ZDHHC14: variants seen among roughly 807,000 people sequenced by gnomAD.
ZDHHC14 encodes the protein palmitoyltransferase ZDHHC14.
In ZDHHC14, 16 loss-of-function variants were observed where a neutral mutation model predicts 47.7. That is an observed-to-expected ratio of 0.34 (90% CI 0.23 to 0.51). ZDHHC14 has a LOEUF of 0.51. ZDHHC14 is among the 20% of genes least tolerant of loss of function. ZDHHC14 has a pLI of 0.97. For missense variants in ZDHHC14, 515 were observed against 662.5 expected, an observed-to-expected ratio of 0.78 and a Z score of 2.44; for synonymous variants, 293 against 278.9, an observed-to-expected ratio of 1.05 and a Z score of -0.50.
chr6:157,424,220 G>A (rs538721878), intron 1 of ZDHHC14, among the ~76,000 whole-genome samples: 1 of 152,284 alleles, frequency 6.6e-6, no homozygotes, highest in South Asian at 2.1e-4. Flanking sequence ...AAAGAATTCT[G>A]AACAGAGGGG....
chr6:157,607,336 C>T (rs1283944239), intron 3 of ZDHHC14, among the ~76,000 whole-genome samples: 4 of 151,522 alleles, frequency 2.6e-5, no homozygotes, highest in Non-Finnish European at 5.9e-5. Flanking sequence ...AGATTTTTTT[C>T]AAATAGTATA....
intron 1 of ZDHHC14, among the ~76,000 whole-genome samples, chr6:157,393,766 C>T (rs1006263246): frequency 6.6e-6 from 1 of 152,122 alleles, no homozygotes; most frequent in Non-Finnish European, 1.5e-5. Flanking sequence ...TGTTCCTCTC[C>T]CACTTACCTT....
At chr6:157,461,191 T>C (rs143210673) in intron 1 of ZDHHC14, among the ~76,000 whole-genome samples, 4 of 152,272 alleles carry the variant, frequency 2.6e-5, no homozygotes, top group Admixed American at 6.5e-5. Context: ...CAGTATCTCA[T>C]TGAGTTTGAC....
rs1778245996 is a variant in ZDHHC14, at chr6:157,427,507, C to G, written c.245+45241C>G. 6.6e-6 allele frequency among the ~76,000 whole-genome samples: 1 copy of G among 152,046 alleles called. No homozygotes were observed. Among genetic ancestry groups the G allele is most frequent in the African/African-American group, 2.4e-5 (1 of 41,364 alleles). ...GTGAGGATGGTTGGCTGGGTTCACT[C>G]AGGGTTGGAGTTTAACAGAGCAAAT... On this transcript the variant is annotated intron_variant, in intron 1 of 8. Transcript: ENST00000359775. This position sits in a 1 kb window ranked among gnomAD's most constrained non-coding sequence, Gnocchi z 4.4.
chr6:157,612,410 G>A (rs990389895), intron 3 of ZDHHC14, among the ~76,000 whole-genome samples: 8 of 152,138 alleles, frequency 5.3e-5, no homozygotes, highest in African/African-American at 1.7e-4. Flanking sequence ...CACCTCTCTC[G>A]GCTTGCACCG....
At chr6:157,514,221 T>G (rs187300931) in intron 1 of ZDHHC14, among the ~76,000 whole-genome samples, 73 of 152,292 alleles carry the variant, frequency 4.8e-4, no homozygotes, top group Non-Finnish European at 7.2e-4. Context: ...CTCAATTTTT[T>G]GGGGGGACAA....
intron 3 of ZDHHC14, among the ~76,000 whole-genome samples, chr6:157,598,700 A>G (rs1178799664): frequency 1.3e-5 from 2 of 152,266 alleles, no homozygotes; most frequent in Admixed American, 1.3e-4. Context: ...GTGAGAAATA[A>G]TAGCATACAT....
chr6:157,623,412 C>T (rs1408704060), intron 3 of ZDHHC14, among the ~76,000 whole-genome samples: 3 of 152,154 alleles, frequency 2.0e-5, no homozygotes, highest in Non-Finnish European at 4.4e-5. Context: ...TCCCCTTCCA[C>T]CATGATTATA....
chr6:157,605,459 C>G (rs1211262180), intron 3 of ZDHHC14, among the ~76,000 whole-genome samples: 1 of 152,008 alleles, frequency 6.6e-6, no homozygotes, highest in East Asian at 1.9e-4. Context: ...TGTATGGATT[C>G]TTACATTTGG....
At chr6:157,572,934 C>G (rs923103729) in intron 2 of ZDHHC14, among the ~76,000 whole-genome samples, 1 of 152,034 alleles carries the variant, frequency 6.6e-6, no homozygotes, top group Admixed American at 6.5e-5. Context: ...CCTAAGTAGT[C>G]AGGTTCTCTT....
chr6:157,507,453 T>C (rs564781942), intron 1 of ZDHHC14, among the ~76,000 whole-genome samples: 2 of 152,220 alleles, frequency 1.3e-5, no homozygotes, highest in South Asian at 4.2e-4. Flanking sequence ...GGCTAATTTT[T>C]GTATTTTTAG....
intron 2 of ZDHHC14, among the ~76,000 whole-genome samples, chr6:157,576,975 C>G (rs1387830904): frequency 6.6e-6 from 1 of 152,150 alleles, no homozygotes; most frequent in Non-Finnish European, 1.5e-5. Context: ...CACCCAGGTA[C>G]TACCCCACAG....
chr6:157,649,273 AGGG>A (rs1337220745), intron 7 of ZDHHC14, among the ~76,000 whole-genome samples: 1 of 152,224 alleles, frequency 6.6e-6, no homozygotes. Context: ...GCAGCACTGA[AGGG>A]GCTCCGGGGG....
chr6:157,466,134 C>T (rs1005698937), intron 1 of ZDHHC14, among the ~76,000 whole-genome samples: 4 of 152,180 alleles, frequency 2.6e-5, no homozygotes, highest in African/African-American at 4.8e-5. Context: ...TTGGCCTGAT[C>T]CTCAGCTGCC....
chr6:157,430,740 G>C (rs142681693), intron 1 of ZDHHC14, among the ~76,000 whole-genome samples: 1 of 152,230 alleles, frequency 6.6e-6, no homozygotes, highest in Admixed American at 6.5e-5. Flanking sequence ...GGCGATTAGC[G>C]TATGGACATC....
At chr6:157,399,971 G>C (rs1777596604) in intron 1 of ZDHHC14, among the ~76,000 whole-genome samples, 1 of 152,196 alleles carries the variant, frequency 6.6e-6, no homozygotes, top group Admixed American at 6.5e-5. Flanking sequence ...CCTTTCAAAA[G>C]CCATCAACAC....
chr6:157,449,635 G>A (rs1669204058), intron 1 of ZDHHC14, among the ~76,000 whole-genome samples: 1 of 152,136 alleles, frequency 6.6e-6, no homozygotes, highest in African/African-American at 2.4e-5. Flanking sequence ...CATACAATAT[G>A]CAGTCTGTCG....
chr6:157,493,107 A>G (rs1779970405), intron 1 of ZDHHC14, among the ~76,000 whole-genome samples: 1 of 152,216 alleles, frequency 6.6e-6, no homozygotes, highest in Admixed American at 6.5e-5. Flanking sequence ...TACTGCAATG[A>G]TCCAGGCAAA....
chr6:157,609,373 C>T (rs1403927692), intron 3 of ZDHHC14, among the ~76,000 whole-genome samples: 1 of 152,184 alleles, frequency 6.6e-6, no homozygotes, highest in Non-Finnish European at 1.5e-5. Flanking sequence ...GAGAAGTCCA[C>T]GGCTGGCCCT....
Sources: gnomAD v4.1 joint callset for allele counts (sites outside exome capture counted in the v4.1 genomes callset) on GRCh38, gnomAD v4.1.1 for gene constraint, Gnocchi (gnomAD v3.1) non-coding constraint, MANE v1.5 for transcripts, NCBI Gene and HGNC (gene_info 2026-07-23, HGNC 2026-07-21) for gene names.